Variants in DIP2C observed in about 807,000 individuals in gnomAD.
The protein encoded by DIP2C is DIP2 acetate--CoA ligase C (putative), also known as disco-interacting protein 2 homolog C.
DIP2C carries 33 observed loss-of-function variants against 192.4 expected under a neutral mutation model. The observed-to-expected ratio is 0.17, with a 90% CI of 0.13 to 0.23. The LOEUF (loss-of-function observed/expected upper bound fraction) is 0.23, where lower values mean the gene tolerates loss of function less well. DIP2C is among the 10% of genes least tolerant of loss of function. DIP2C has a pLI of 1.00. For synonymous variants in DIP2C, 979 were observed against 864.1 expected (o/e 1.13, Z -2.33); for missense variants, 1,537 against 2,110.1 (o/e 0.73, Z 5.32).
intron 1 of DIP2C, among the ~76,000 whole-genome samples, chr10:588,395 G>A (rs1166030001): frequency 6.6e-6 from 1 of 152,232 alleles, no homozygotes; most frequent in Non-Finnish European, 1.5e-5. Context: ...CAACTGTCTT[G>A]TTAAATTGGG....
At chr10:497,013 A>G (rs1564789571) in intron 1 of DIP2C, among the ~76,000 whole-genome samples, 1 of 152,176 alleles carries the variant, frequency 6.6e-6, no homozygotes, top group Admixed American at 6.5e-5. Context: ...AGTCCCAGCT[A>G]CTTCAGAGGC....
intron 1 of DIP2C, among the ~76,000 whole-genome samples, chr10:522,609 G>A (rs950271302): frequency 1.3e-5 from 2 of 152,224 alleles, no homozygotes; most frequent in Non-Finnish European, 2.9e-5. Flanking sequence ...GCGCAGTGGC[G>A]CCTCGCCCTA....
intron 28 of DIP2C, among the ~76,000 whole-genome samples, chr10:343,351 G>A (rs1424654022): frequency 6.6e-6 from 1 of 152,152 alleles, no homozygotes; most frequent in Non-Finnish European, 1.5e-5. Context: ...AACTGTAAAG[G>A]GACCAGCACA....
rs17159642 is a variant in DIP2C, at chr10:547,465, G to C, written c.86-60935C>G. Among the ~76,000 whole-genome samples the C allele has an allele frequency of 4.9e-3, 743 of 152,218 alleles. 21 individuals carry two copies. Among genetic ancestry groups the C allele is most frequent in the Admixed American group, 0.041 (627 of 15,292 alleles). On this transcript the variant is annotated intron_variant, in intron 1 of 36. Transcript: ENST00000280886. ...AGAAGGAAGGAAGGTTGACAGCGAA[G>C]TACCCAGCAAATACTCAGGCCTCAT...
rs76850281 is a variant in DIP2C at position 372,333 on chromosome 10, C to G, written c.1992-2700G>C. Reference sequence around the variant, plus strand: ...CGAGTGATCTGCCCTCCTCGGCTTCCCAAGGTGTTGGAATTACAGGCGTGA... The same window carrying G: ...CGAGTGATCTGCCCTCCTCGGCTTCGCAAGGTGTTGGAATTACAGGCGTGA... On this transcript the variant is annotated intron_variant, in intron 17 of 36. Transcript: ENST00000280886. 3.2e-3 allele frequency among the ~76,000 whole-genome samples: 494 copies of G among 152,310 alleles called. 24 individuals carry two copies. In the East Asian group the frequency reaches 0.075, roughly 23 times the overall value.
chr10:448,120 C>T (rs1191042254), intron 3 of DIP2C, among the ~76,000 whole-genome samples: 17 of 115,738 alleles, frequency 1.5e-4, no homozygotes, highest in South Asian at 5.2e-4. Flanking sequence ...CACTCATCCC[C>T]ATCTATACTC....
At chr10:324,930 A>G (rs544469751) in intron 31 of DIP2C, 5 of 532,810 alleles carry the variant, frequency 9.4e-6, no homozygotes, top group Admixed American at 3.9e-5. Context: ...CACGTATTTT[A>G]TCTTCTCCTA....
chr10:487,876 G>C (rs544147391), intron 1 of DIP2C, among the ~76,000 whole-genome samples: 1 of 152,106 alleles, frequency 6.6e-6, no homozygotes, highest in Non-Finnish European at 1.5e-5. Context: ...GTGCCCAGCC[G>C]ATGCTAACTA....
rs59646570 is a variant in DIP2C at position 462,872 on chromosome 10, C to T, written c.268+9567G>A. Among the ~76,000 whole-genome samples, 4 of 152,276 alleles carry T rather than the reference C, an allele frequency of 2.6e-5. No homozygotes were observed. In the East Asian group the frequency reaches 7.7e-4, roughly 29 times the overall value. On this transcript the variant is annotated intron_variant, in intron 3 of 36. Transcript: ENST00000280886. The stretch of plus-strand genomic sequence containing the variant: ...CAAGGCTGGTTCAATATATGCAAAT[C>T]AATAAATGTAATCCATCACATCAAC...
At chr10:346,672 G>A (rs1415198361) in intron 26 of DIP2C, among the ~76,000 whole-genome samples, 4 of 117,980 alleles carry the variant, frequency 3.4e-5, no homozygotes, top group Non-Finnish European at 5.0e-5. Flanking sequence ...TAGTTCTCCC[G>A]GAAACGTCAC....
chr10:520,380 T>C (rs1285281593), intron 1 of DIP2C, among the ~76,000 whole-genome samples: 2 of 152,208 alleles, frequency 1.3e-5, no homozygotes, highest in Non-Finnish European at 2.9e-5. Flanking sequence ...TAGACATTAA[T>C]TTAAGATGGG....
At chr10:478,826 C>T (rs1348639390) in intron 2 of DIP2C, among the ~76,000 whole-genome samples, 2 of 152,098 alleles carry the variant, frequency 1.3e-5, no homozygotes, top group East Asian at 1.9e-4. Context: ...ATCGCGTGTC[C>T]GGGCGTGCTG....
At chr10:476,508 C>A (rs1395085233) in intron 2 of DIP2C, among the ~76,000 whole-genome samples, 1 of 152,210 alleles carries the variant, frequency 6.6e-6, no homozygotes, top group African/African-American at 2.4e-5. Context: ...AAGCACCAAG[C>A]CAGGACTATT....
intron 1 of DIP2C, among the ~76,000 whole-genome samples, chr10:529,020 C>G (rs1659838428): frequency 6.6e-6 from 1 of 152,218 alleles, no homozygotes; most frequent in Non-Finnish European, 1.5e-5. Context: ...GCCAGAACCC[C>G]TCCCAGTGAC....
At chr10:431,087 T>TA (rs1437406501) in intron 4 of DIP2C, among the ~76,000 whole-genome samples, 1 of 152,260 alleles carries the variant, frequency 6.6e-6, no homozygotes, top group Non-Finnish European at 1.5e-5. Flanking sequence ...CTTTCACCAA[T>TA]ACCACACTGT....
intron 17 of DIP2C, among the ~76,000 whole-genome samples, chr10:378,919 G>A (rs540115706): frequency 6.6e-6 from 1 of 152,238 alleles, no homozygotes; most frequent in Non-Finnish European, 1.5e-5. Flanking sequence ...ACACAGACAT[G>A]CGTGAGGACA....
intron 1 of DIP2C, among the ~76,000 whole-genome samples, chr10:610,412 CTGTG>C (rs1158536615): frequency 3.3e-5 from 5 of 152,140 alleles, no homozygotes; most frequent in African/African-American, 9.7e-5. Context: ...GGGTCACCTA[CTGTG>C]TATTTCAAAA....
chr10:519,957 C>T (rs1230484274), intron 1 of DIP2C, among the ~76,000 whole-genome samples: 1 of 152,226 alleles, frequency 6.6e-6, no homozygotes, highest in Non-Finnish European at 1.5e-5. Flanking sequence ...AAGAACCCTT[C>T]TCCGTCTTGG....
intron 10 of DIP2C, among the ~76,000 whole-genome samples, chr10:391,398 A>T (rs536099057): frequency 6.6e-6 from 1 of 152,380 alleles, no homozygotes; most frequent in Non-Finnish European, 1.5e-5. Flanking sequence ...TGAGCAGCCC[A>T]GTCTCAACGA....
Sources: gnomAD v4.1 joint callset for allele counts (sites outside exome capture counted in the v4.1 genomes callset) on GRCh38, gnomAD v4.1.1 for gene constraint, MANE v1.5 for transcripts, NCBI Gene and HGNC (gene_info 2026-07-23, HGNC 2026-07-21) for gene names.